The following CAST variants were observed in gnomAD, a reference collection of about 807,000 sequenced individuals.
The protein encoded by CAST is MIR583 host.
Under a neutral mutation model 119.6 loss-of-function variants are expected in CAST, and 76 were observed. The ratio of observed to expected loss-of-function variants is 0.64; its 90% confidence interval spans 0.53 to 0.77. The LOEUF is 0.77. Ranked by LOEUF, CAST falls within the 30% of genes least tolerant of loss-of-function variation. The probability of loss-of-function intolerance (pLI) is 0.00; values close to 1 mark genes in which losing one functional copy is unlikely to be tolerated. For missense variants in CAST, 953 were observed against 946.5 expected (o/e 1.01, Z -0.09); for synonymous variants, 319 against 331.6 (o/e 0.96, Z 0.41).
chr5:96,646,164 C>T (rs936184259), intron 1 of CAST, among the ~76,000 whole-genome samples: 4 of 152,070 alleles, frequency 2.6e-5, no homozygotes, highest in Non-Finnish European at 2.9e-5. Context: ...AGGTACTATC[C>T]CACATCGTTG....
chr5:96,299,083 T>C, the CAST span, among the ~76,000 whole-genome samples: 1 of 150,658 alleles, frequency 6.6e-6, no homozygotes. Flanking sequence ...CTACTAAAAA[T>C]ACAAAAAAAA....
chr5:96,474,920 A>G, the CAST span, among the ~76,000 whole-genome samples: 6 of 152,208 alleles, frequency 3.9e-5, no homozygotes, highest in African/African-American at 1.4e-4. Context: ...TTATGGAAAG[A>G]GACAAATAAC....
chr5:96,183,848 C>T, the CAST span, among the ~76,000 whole-genome samples: 2 of 152,184 alleles, frequency 1.3e-5, no homozygotes, highest in Non-Finnish European at 2.9e-5. Flanking sequence ...GGCACATGGA[C>T]ATGAACATTA....
At chr5:96,696,454 G>C (rs1308369981) in intron 3 of CAST, among the ~76,000 whole-genome samples, 1 of 151,806 alleles carries the variant, frequency 6.6e-6, no homozygotes, top group African/African-American at 2.4e-5. Flanking sequence ...GACAATGCTG[G>C]GTCTTATAAA....
At chr5:96,737,322 C>CA (rs35213929) in intron 10 of CAST, among the ~76,000 whole-genome samples, 37,223 of 149,974 alleles carry the variant, frequency 0.25, 4,664 homozygotes, top group East Asian at 0.35. Flanking sequence ...TGAACAACAA[C>CA]AAAAAAAAAC....
intron 29 of CAST, chr5:96,768,545 C>T: frequency 2.8e-6 from 1 of 361,512 alleles, no homozygotes; most frequent in Non-Finnish European, 5.3e-6. Context: ...TACTTACAGT[C>T]CACTTATAAA....
chr5:96,684,970 A>T (rs1393943874), intron 2 of CAST, among the ~76,000 whole-genome samples: 1 of 127,142 alleles, frequency 7.9e-6, no homozygotes, highest in Non-Finnish European at 1.6e-5. Flanking sequence ...AATCTGTGAT[A>T]TACAAAATGT....
chr5:96,630,123 T>C (rs1385047856), intron 1 of CAST, among the ~76,000 whole-genome samples: 5 of 152,238 alleles, frequency 3.3e-5, no homozygotes, highest in African/African-American at 4.8e-5. Flanking sequence ...GGATGTATCA[T>C]TGAATAAAAC....
the CAST span, chr5:96,393,088 A>C: frequency 6.8e-6 from 11 of 1,614,146 alleles, no homozygotes; most frequent in Non-Finnish European, 9.3e-6. Flanking sequence ...AAAAAACATC[A>C]ACATAGTCAT....
the CAST span, among the ~76,000 whole-genome samples, chr5:96,491,396 C>A: frequency 1.4e-5 from 2 of 139,946 alleles, no homozygotes; most frequent in Admixed American, 7.9e-5. Flanking sequence ...GAGGCTGAAG[C>A]AGGAGAATGG....
the CAST span, among the ~76,000 whole-genome samples, chr5:96,434,645 C>T: frequency 6.7e-6 from 1 of 149,340 alleles, no homozygotes; most frequent in East Asian, 2.0e-4. Flanking sequence ...TTTTTTAAAG[C>T]TCAACCGCCC....
At chr5:96,440,450 G>A in the CAST span, among the ~76,000 whole-genome samples, 2 of 152,156 alleles carry the variant, frequency 1.3e-5, no homozygotes, top group Admixed American at 1.3e-4. Flanking sequence ...AGCCCAGTGG[G>A]TGCCCCAACT....
the CAST span, among the ~76,000 whole-genome samples, chr5:96,146,573 T>A: frequency 2.0e-5 from 3 of 152,252 alleles, no homozygotes; most frequent in African/African-American, 7.2e-5. Flanking sequence ...GTGAGAACAT[T>A]TAAATAGACA....
the CAST span, among the ~76,000 whole-genome samples, chr5:95,980,994 C>A: frequency 5.3e-4 from 80 of 152,220 alleles, no homozygotes; most frequent in Admixed American, 4.1e-3. Context: ...TCACAGGGAG[C>A]AATACAACCT....
the CAST span, among the ~76,000 whole-genome samples, chr5:96,151,737 A>T: frequency 1.3e-5 from 2 of 152,212 alleles, no homozygotes; most frequent in African/African-American, 4.8e-5. Flanking sequence ...TTTAACCAAG[A>T]ATATTTTCAT....
intron 1 of CAST, among the ~76,000 whole-genome samples, chr5:96,621,934 G>A (rs1310297862): frequency 6.7e-6 from 1 of 150,206 alleles, no homozygotes; most frequent in Admixed American, 6.6e-5. Flanking sequence ...TGCTGACTGA[G>A]TTAGAGTTAG....
intron 3 of CAST, among the ~76,000 whole-genome samples, chr5:96,713,286 C>T (rs1379472634): frequency 6.6e-6 from 1 of 152,024 alleles, no homozygotes; most frequent in East Asian, 1.9e-4. Context: ...CACGTGCCAC[C>T]ATGCCCAGCT....
intron 1 of CAST, among the ~76,000 whole-genome samples, chr5:96,602,034 T>C (rs1050046087): frequency 6.6e-6 from 1 of 152,160 alleles, no homozygotes; most frequent in African/African-American, 2.4e-5. Flanking sequence ...CAGGCAGCTC[T>C]CTCTGTGAGA....
At chr5:96,704,196 A>T (rs998759825) in intron 3 of CAST, among the ~76,000 whole-genome samples, 2 of 152,216 alleles carry the variant, frequency 1.3e-5, no homozygotes, top group Non-Finnish European at 2.9e-5. Context: ...ACTGTGAAAC[A>T]GTGTTTATGA....
Sources: gnomAD v4.1 joint callset for allele counts (sites outside exome capture counted in the v4.1 genomes callset) on GRCh38, gnomAD v4.1.1 for gene constraint, MANE v1.5 for transcripts, NCBI Gene and HGNC (gene_info 2026-07-23, HGNC 2026-07-21) for gene names.